Variants in LMAN2L observed in about 807,000 individuals in gnomAD.
LMAN2L encodes lectin, mannose binding 2 like.
LMAN2L carries 30 observed loss-of-function variants against 44.3 expected under a neutral mutation model. The observed-to-expected ratio is 0.68, with a 90% CI of 0.51 to 0.92. LMAN2L has a LOEUF of 0.92. Ranked by LOEUF, LMAN2L falls within the 40% of genes least tolerant of loss-of-function variation. The pLI is 0.00. For synonymous variants in LMAN2L, 183 were observed against 171.1 expected (o/e 1.07, Z -0.54); for missense variants, 429 against 446.1 (o/e 0.96, Z 0.35).
Position 96,707,262 on chromosome 2 carries a change from G to C in LMAN2L, c.1041C>G (p.Phe347Leu). 6.2e-7 allele frequency: 1 copy of C among 1,614,088 alleles called. No homozygotes were observed. Among genetic ancestry groups the C allele is most frequent in the Non-Finnish European group, 8.5e-7 (1 of 1,179,946 alleles). ...NKWQEQSRKR[F>L]Y ...GTGGTGGCAGCAGGAGGGCTCAGTA[G>C]AAGCGCTTTCGGCTCTGTTCCTGCC... The change falls in exon 8 of 8, where the codon TTC becomes TTG. Residue 347 changes from phenylalanine (F) to leucine (L), a missense_variant. Coordinates refer to ENST00000264963, the MANE Select transcript of LMAN2L (RefSeq NM_030805.4).
At chr2:96,726,068 G>A (rs2078263631) in intron 4 of LMAN2L, among the ~76,000 whole-genome samples, 1 of 151,456 alleles carries the variant, frequency 6.6e-6, no homozygotes, top group Non-Finnish European at 1.5e-5. Context: ...GGAGGCGGAG[G>A]TGGCAATGAG....
chr2:96,723,819 T>G (rs1276937376), intron 4 of LMAN2L, among the ~76,000 whole-genome samples: 2 of 152,186 alleles, frequency 1.3e-5, no homozygotes, highest in African/African-American at 4.8e-5. Flanking sequence ...CCGGGCACGG[T>G]GGCTCACGCC....
chr2:96,706,923 G>A lies in LMAN2L; in HGVS notation c.*333C>T, dbSNP rs1002236442. The A allele has an allele frequency of 2.8e-5, 5 of 175,880 alleles. No individual in the cohort carries two copies. Among genetic ancestry groups the A allele is most frequent in the South Asian group, 1.9e-4 (1 of 5,248 alleles). The allele number at this position is 175,880 out of a possible 1,614,324, so 10.9% of individuals were successfully genotyped here. A position where few individuals can be genotyped will look rare whatever the true frequency, so the allele number is the denominator to read the frequency against. On this transcript the variant is annotated 3_prime_UTR_variant, in exon 8 of 8. Coordinates refer to ENST00000264963, the MANE Select transcript of LMAN2L (RefSeq NM_030805.4). ...AAGGGCCTTCTGAGTCAAACAACAC[G>A]GCAGCCTGGGCTATGAAATTCTGTT...
chr2:96,729,156 A>G (rs2078339598), intron 4 of LMAN2L, among the ~76,000 whole-genome samples: 1 of 152,056 alleles, frequency 6.6e-6, no homozygotes, highest in African/African-American at 2.4e-5. Flanking sequence ...TGGGCGACAG[A>G]GCAAGACTCT....
At chr2:96,712,747 T>C (rs959821942) in intron 4 of LMAN2L, among the ~76,000 whole-genome samples, 1 of 152,104 alleles carries the variant, frequency 6.6e-6, no homozygotes, top group Admixed American at 6.5e-5. Context: ...AGGGAGAAAA[T>C]TGCAAGTTTT....
intron 6 of LMAN2L, 32 bp downstream of exon 6, chr2:96,711,624 T>A: frequency 6.9e-7 from 1 of 1,459,098 alleles, no homozygotes; most frequent in Non-Finnish European, 9.6e-7. Flanking sequence ...GAGGCCTCAG[T>A]CAGGGCAAAC....
At chr2:96,721,451 G>C (rs147157079) in intron 4 of LMAN2L, among the ~76,000 whole-genome samples, 8 of 149,760 alleles carry the variant, frequency 5.3e-5, no homozygotes, top group African/African-American at 2.0e-4. Context: ...ACTCACCTTG[G>C]TCTCCTAAAG....
At chr2:96,708,587 G>A (rs578226148) in intron 6 of LMAN2L, among the ~76,000 whole-genome samples, 1 of 152,320 alleles carries the variant, frequency 6.6e-6, no homozygotes, top group African/African-American at 2.4e-5. Context: ...TTCCAGCACA[G>A]TAAGAACAGA....
rs2078197738 is a variant in LMAN2L, at chr2:96,723,283, C to T, written c.507+10236G>A. On this transcript the variant is annotated intron_variant, in intron 4 of 7. Coordinates refer to ENST00000264963, the MANE Select transcript of LMAN2L (RefSeq NM_030805.4). ...TCTTATGGTTTTAATTTGCATGTCCCTGATGGCTGATGATGCTCAGCCTCT... is the reference window on the plus strand; with the variant it reads ...TCTTATGGTTTTAATTTGCATGTCCTTGATGGCTGATGATGCTCAGCCTCT... 2.0e-5 allele frequency among the ~76,000 whole-genome samples: 3 copies of T among 152,310 alleles called. No individual in the cohort carries two copies. In the Middle Eastern group the frequency reaches 0.01, roughly 518 times the overall value.
At chr2:96,734,337 C>G in intron 3 of LMAN2L, 72 bp downstream of exon 3, 1 of 927,310 alleles carries the variant, frequency 1.1e-6, no homozygotes, top group Non-Finnish European at 1.8e-6. Context: ...GGGGAAGGAA[C>G]CTTTTCAAAA....
rs768907102 is a variant in LMAN2L at position 96,738,013 on chromosome 2, A to C, written c.242T>G (p.Met81Arg). Reference sequence around the variant, plus strand: ...TGGGGTAAGGCGGATATACTGGGTCATCACCATGGCATTGCCCATCAGATT... The same window carrying C: ...TGGGGTAAGGCGGATATACTGGGTCCTCACCATGGCATTGCCCATCAGATT... Reference protein sequence around the residue: ...LWNLMGNAMVMTQYIRLTPDM... With the variant: ...LWNLMGNAMVRTQYIRLTPDM... Residue 81 changes from methionine to arginine, a missense_variant, in exon 2 of 8, where the codon ATG becomes AGG. Coordinates refer to ENST00000264963, the MANE Select transcript of LMAN2L (RefSeq NM_030805.4). 46 of 1,614,020 alleles carry C rather than the reference A, an allele frequency of 2.9e-5. No individual in the cohort carries two copies. Among genetic ancestry groups the C allele is most frequent in the Middle Eastern group, 1.6e-4 (1 of 6,084 alleles).
At chr2:96,715,958 T>C (rs1056037059) in intron 4 of LMAN2L, among the ~76,000 whole-genome samples, 1 of 152,202 alleles carries the variant, frequency 6.6e-6, no homozygotes. Flanking sequence ...TGAAATGAGA[T>C]ATGCGAAGCA....
At chr2:96,728,315 G>A (rs1437021189) in intron 4 of LMAN2L, among the ~76,000 whole-genome samples, 9 of 151,826 alleles carry the variant, frequency 5.9e-5, no homozygotes, top group East Asian at 1.9e-4. Context: ...TGGCCAACAC[G>A]GTGAAAACCC....
At chr2:96,708,181 C>T (rs1240717602) in intron 6 of LMAN2L, among the ~76,000 whole-genome samples, 4 of 152,212 alleles carry the variant, frequency 2.6e-5, no homozygotes, top group African/African-American at 7.2e-5. Context: ...CCCAGGCTAG[C>T]GATGTGTAGT....
intron 4 of LMAN2L, among the ~76,000 whole-genome samples, chr2:96,730,538 A>G (rs1574024282): frequency 6.6e-6 from 1 of 152,184 alleles, no homozygotes; most frequent in Admixed American, 6.5e-5. Context: ...CCGAGGCTAC[A>G]GTGTTAATAT....
intron 4 of LMAN2L, among the ~76,000 whole-genome samples, chr2:96,721,491 C>A (rs1451956351): frequency 6.6e-6 from 1 of 151,786 alleles, no homozygotes; most frequent in African/African-American, 2.4e-5. Flanking sequence ...AGCCACTGTG[C>A]CTGGCAATTA....
intron 4 of LMAN2L, among the ~76,000 whole-genome samples, chr2:96,726,474 C>T (rs1218835161): frequency 6.6e-6 from 1 of 152,050 alleles, no homozygotes; most frequent in Non-Finnish European, 1.5e-5. Context: ...CTGTTTACCA[C>T]TAAATATGTT....
In LMAN2L at chr2:96,712,609, C is replaced by T. The variant is rs117327960; in HGVS notation, c.508-584G>A. Among the ~76,000 whole-genome samples the T allele has an allele frequency of 1.9e-4, 29 of 152,304 alleles. 1 individual carries two copies. The East Asian group carries it at 5.0e-3, about 26-fold the overall frequency. ...ATGGATTAGAACTCAGAACATGGAA[C>T]GGGGTTGCTGGATGGGCTCAGCCAG... On this transcript the variant is annotated intron_variant, in intron 4 of 7. Transcript: ENST00000264963.
intron 4 of LMAN2L, among the ~76,000 whole-genome samples, chr2:96,721,670 G>A (rs989471288): frequency 1.3e-5 from 2 of 151,596 alleles, no homozygotes; most frequent in Non-Finnish European, 2.9e-5. Flanking sequence ...TGTAAAGATG[G>A]GGTCTCCCTA....
Sources: gnomAD v4.1 joint callset for allele counts (sites outside exome capture counted in the v4.1 genomes callset) on GRCh38, gnomAD v4.1.1 for gene constraint, MANE v1.5 for transcripts, NCBI Gene and HGNC (gene_info 2026-07-23, HGNC 2026-07-21) for gene names.